Variants in NAV2 observed in about 807,000 individuals in gnomAD.
The protein encoded by NAV2 is neuron navigator 2.
NAV2 carries 54 observed loss-of-function variants against 223.2 expected under a neutral mutation model. The ratio of observed to expected loss-of-function variants is 0.24; its 90% CI spans 0.19 to 0.30. The LOEUF (loss-of-function observed/expected upper bound fraction) is 0.30. Among genes scored for constraint, NAV2 ranks in the 10% least tolerant of loss-of-function variants. NAV2 has a pLI of 1.00. For missense variants in NAV2, 2,806 were observed against 3,147.5 expected (o/e 0.89, Z 2.60); for synonymous variants, 1,279 against 1,239.3 (o/e 1.03, Z -0.67).
intron 1 of NAV2, among the ~76,000 whole-genome samples, chr11:19,644,180 G>A (rs2047751451): frequency 6.6e-6 from 1 of 152,204 alleles, no homozygotes. Context: ...TTTGCATGGA[G>A]GTGAATTCCA....
intron 1 of NAV2, among the ~76,000 whole-genome samples, chr11:19,820,853 C>A (rs1171722507): frequency 6.6e-6 from 1 of 152,168 alleles, no homozygotes; most frequent in African/African-American, 2.4e-5. Context: ...GTACAAAACA[C>A]CTGGCACACA....
intron 1 of NAV2, among the ~76,000 whole-genome samples, chr11:19,621,352 C>T (rs547565154): frequency 3.2e-4 from 48 of 152,310 alleles, no homozygotes; most frequent in African/African-American, 1.1e-3. Flanking sequence ...CCTTATACCT[C>T]TGGTAGAATT....
intron 34 of NAV2, chr11:20,104,827 T>C (rs2061905655): frequency 1.3e-5 from 2 of 152,316 alleles, no homozygotes; most frequent in Non-Finnish European, 2.9e-5. Context: ...CCAGACTCCG[T>C]TGGTTGGCAG....
At chr11:19,746,643 G>T (rs2053375215) in intron 1 of NAV2, among the ~76,000 whole-genome samples, 1 of 152,082 alleles carries the variant, frequency 6.6e-6, no homozygotes, top group Non-Finnish European at 1.5e-5. Context: ...AATTTAAATT[G>T]TATCTGATTT....
At chr11:19,729,075 G>T (rs551095862) in intron 1 of NAV2, among the ~76,000 whole-genome samples, 1 of 152,160 alleles carries the variant, frequency 6.6e-6, no homozygotes, top group Non-Finnish European at 1.5e-5. Flanking sequence ...CAGATCTGGG[G>T]TGAGGTCCAA....
At chr11:19,619,003 G>A (rs989178081) in intron 1 of NAV2, among the ~76,000 whole-genome samples, 20 of 6,858 alleles carry the variant, frequency 2.9e-3, no homozygotes, top group African/African-American at 0.013. Context: ...GTGAGAACAT[G>A]CGGTGTTTGG....
At chr11:19,804,039 A>G (rs1408322753) in intron 1 of NAV2, among the ~76,000 whole-genome samples, 13 of 152,180 alleles carry the variant, frequency 8.5e-5, no homozygotes, top group Admixed American at 8.5e-4. Context: ...GACTTTTACT[A>G]CTTACTTTCT....
chr11:19,986,204 G>C (rs1313840716), intron 11 of NAV2, among the ~76,000 whole-genome samples: 1 of 152,162 alleles, frequency 6.6e-6, no homozygotes, highest in African/African-American at 2.4e-5. Flanking sequence ...ATGAGGGTGG[G>C]GTTGAAAAGA....
intron 3 of NAV2, among the ~76,000 whole-genome samples, chr11:19,855,472 T>G (rs2061363480): frequency 6.6e-6 from 1 of 152,194 alleles, no homozygotes; most frequent in African/African-American, 2.4e-5. Context: ...TGAGTTGACT[T>G]TTCCTATTTC....
intron 22 of NAV2, among the ~76,000 whole-genome samples, chr11:20,076,209 C>T (rs1489620481): frequency 6.8e-6 from 1 of 147,572 alleles, no homozygotes; most frequent in South Asian, 2.3e-4. Flanking sequence ...TCAGAAGGAA[C>T]TACAGGGAGA....
intron 1 of NAV2, among the ~76,000 whole-genome samples, chr11:19,414,146 C>A (rs1850263532): frequency 6.6e-6 from 1 of 152,138 alleles, no homozygotes. Flanking sequence ...AGTGAAGACC[C>A]ATCTATGTGC....
chr11:20,106,159 ATATATATATATATATATGTGTGTG>A (rs1214459002), intron 35 of NAV2, among the ~76,000 whole-genome samples: 93 of 10,462 alleles, frequency 8.9e-3, no homozygotes, highest in African/African-American at 0.011. Flanking sequence ...GTGTGTGTAT[ATATATATATATATATATGTGTGTG>A]TATATATATA....
Position 20,107,744 on chromosome 11 carries a change from A to G in NAV2, c.6922A>G (p.Ile2308Val), listed in dbSNP as rs2062266587. The change falls in exon 36 of 38, where the codon ATC (isoleucine) becomes GTC (valine). Residue 2308 changes from isoleucine to valine, a missense_variant. This residue lies in a region of NAV2 where 824 missense variants were observed against 1,069.4 expected (regional missense o/e 0.77). Coordinates refer to ENST00000349880, the MANE Select transcript of NAV2 (RefSeq NM_145117.5). Reference protein sequence around the residue: ...WFTDLWNYSIIPYLLEAVREG... With the variant: ...WFTDLWNYSIVPYLLEAVREG... Reference sequence around the variant, plus strand: ...CACCGACTTGTGGAACTATTCCATTATCCCCTATCTCCTGGAAGCCGTCAG... The same window carrying G: ...CACCGACTTGTGGAACTATTCCATTGTCCCCTATCTCCTGGAAGCCGTCAG... 4 of 1,614,116 alleles carry G rather than the reference A, an allele frequency of 2.5e-6. No homozygotes were observed. Among genetic ancestry groups the G allele is most frequent in the Non-Finnish European group, 3.4e-6 (4 of 1,179,988 alleles).
intron 1 of NAV2, among the ~76,000 whole-genome samples, chr11:19,361,971 G>A (rs865994150): frequency 6.6e-6 from 1 of 152,144 alleles, no homozygotes; most frequent in Non-Finnish European, 1.5e-5. Context: ...ATTTCAGCTA[G>A]ATTAGGGGGA....
intron 1 of NAV2, among the ~76,000 whole-genome samples, chr11:19,470,538 T>G (rs1211117031): frequency 2.6e-5 from 4 of 152,240 alleles, no homozygotes; most frequent in Non-Finnish European, 5.9e-5. Flanking sequence ...AACTCACTTT[T>G]ATAACAAATC....
At position 19,811,146 on chromosome 11, in the gene NAV2, A is replaced by G. The variant is rs1215750672; in HGVS notation, c.268-21338A>G. On this transcript the variant is annotated intron_variant, in intron 1 of 37. Transcript: ENST00000349880. Reference sequence around the variant, plus strand: ...AAACGGCTGTCTAGTTGCTTTCTAAATATTATCCAGTTCAGGGATTTGAAT... The same window carrying G: ...AAACGGCTGTCTAGTTGCTTTCTAAGTATTATCCAGTTCAGGGATTTGAAT... 2.0e-4 allele frequency among the ~76,000 whole-genome samples: 30 copies of G among 152,174 alleles called. 1 individual carries two copies. Among genetic ancestry groups the G allele is most frequent in the Admixed American group, 2.0e-3 (30 of 15,272 alleles).
chr11:19,916,007 T>C (rs2043772221), intron 6 of NAV2, among the ~76,000 whole-genome samples: 1 of 152,214 alleles, frequency 6.6e-6, no homozygotes, highest in Non-Finnish European at 1.5e-5. Flanking sequence ...CTCAGTTTCC[T>C]CATCTGTAAA....
chr11:19,440,789 G>A (rs1253563917), intron 1 of NAV2, among the ~76,000 whole-genome samples: 1 of 152,178 alleles, frequency 6.6e-6, no homozygotes, highest in Admixed American at 6.5e-5. Flanking sequence ...TGAATGAATG[G>A]AGGCTTGGTT....
At chr11:19,472,245 A>G (rs1381932523) in intron 1 of NAV2, among the ~76,000 whole-genome samples, 1 of 152,148 alleles carries the variant, frequency 6.6e-6, no homozygotes, top group Non-Finnish European at 1.5e-5. Context: ...TATAGAGGAT[A>G]AGCACATAGA....
Sources: gnomAD v4.1 joint callset for allele counts (sites outside exome capture counted in the v4.1 genomes callset) on GRCh38, gnomAD v4.1.1 for gene constraint, gnomAD v4.1.1 regional missense constraint, MANE v1.5 for transcripts, NCBI Gene and HGNC (gene_info 2026-07-23, HGNC 2026-07-21) for gene names.